The following RBFOX3 variants were observed in gnomAD, a reference collection of about 807,000 sequenced individuals.
RBFOX3 encodes the protein RNA binding protein fox-1 homolog 3.
In RBFOX3, 17 loss-of-function variants were observed where a neutral mutation model predicts 48.7. The observed-to-expected ratio is 0.35, with a 90% CI of 0.24 to 0.52. The LOEUF (loss-of-function observed/expected upper bound fraction) is 0.52. RBFOX3 is among the 20% of genes least tolerant of loss of function. The probability of loss-of-function intolerance (pLI) is 0.94; values close to 1 mark genes in which losing one functional copy is unlikely to be tolerated. For missense variants in RBFOX3, 382 were observed against 497.5 expected, an observed-to-expected ratio of 0.77 and a Z score of 2.21; for synonymous variants, 212 against 209.5, an observed-to-expected ratio of 1.01 and a Z score of -0.10.
At chr17:79,541,980 T>C (rs1450089941) in intron 1 of RBFOX3, among the ~76,000 whole-genome samples, 1 of 151,620 alleles carries the variant, frequency 6.6e-6, no homozygotes, top group African/African-American at 2.4e-5. Context: ...CTCGAGTGTT[T>C]CTTTTTACAG....
At chr17:79,629,984 A>G in the RBFOX3 span, among the ~76,000 whole-genome samples, 5 of 152,128 alleles carry the variant, frequency 3.3e-5, no homozygotes, top group Non-Finnish European at 5.9e-5. Flanking sequence ...ACGACGGGCT[A>G]TTTTGTATTT....
At chr17:79,118,991 A>G (rs376762438) in intron 4 of RBFOX3, among the ~76,000 whole-genome samples, 1 of 147,076 alleles carries the variant, frequency 6.8e-6, no homozygotes. Flanking sequence ...AAAAAAAAAA[A>G]AATAAAGAAA....
intron 2 of RBFOX3, among the ~76,000 whole-genome samples, chr17:79,417,434 G>A (rs1033677950): frequency 1.3e-5 from 2 of 152,228 alleles, no homozygotes; most frequent in Non-Finnish European, 2.9e-5. Context: ...GTCCCTGGAT[G>A]TTGAAAAGTA....
intron 1 of RBFOX3, among the ~76,000 whole-genome samples, chr17:79,495,223 A>G (rs2149652587): frequency 6.9e-6 from 1 of 145,286 alleles, no homozygotes; most frequent in Admixed American, 6.9e-5. Context: ...GCTTTTCTCC[A>G]GCTTGGAAGT....
At chr17:79,296,796 C>T (rs1237530708) in intron 3 of RBFOX3, among the ~76,000 whole-genome samples, 19 of 132,194 alleles carry the variant, frequency 1.4e-4, no homozygotes, top group Non-Finnish European at 2.5e-4. Context: ...CCTCTCCCTC[C>T]TCTTTTCCTC....
At chr17:79,404,623 C>T (rs2063312748) in intron 2 of RBFOX3, among the ~76,000 whole-genome samples, 1 of 151,932 alleles carries the variant, frequency 6.6e-6, no homozygotes, top group Non-Finnish European at 1.5e-5. Flanking sequence ...CCTGTCCCTC[C>T]CCTCCCATTA....
At chr17:79,148,198 T>C (rs2043467817) in intron 4 of RBFOX3, among the ~76,000 whole-genome samples, 1 of 152,242 alleles carries the variant, frequency 6.6e-6, no homozygotes, top group African/African-American at 2.4e-5. Flanking sequence ...CTGTGTTCTG[T>C]GCCTGGAGTC....
At chr17:79,429,219 C>T (rs1555727202) in intron 2 of RBFOX3, among the ~76,000 whole-genome samples, 1 of 152,236 alleles carries the variant, frequency 6.6e-6, no homozygotes, top group Admixed American at 6.5e-5. Context: ...TGGGCGAGAC[C>T]TTGGAAAGGC....
At chr17:79,529,870 G>A (rs1351533613) in intron 1 of RBFOX3, among the ~76,000 whole-genome samples, 1 of 152,214 alleles carries the variant, frequency 6.6e-6, no homozygotes, top group Admixed American at 6.5e-5. Context: ...ACCTGTGCTT[G>A]TGAACAACAT....
At chr17:79,110,507 G>C (rs1224238412) in intron 5 of RBFOX3, among the ~76,000 whole-genome samples, 1 of 152,234 alleles carries the variant, frequency 6.6e-6, no homozygotes, top group Non-Finnish European at 1.5e-5. Context: ...CTGTGCTGCT[G>C]TGGCACCACA....
chr17:79,411,578 G>A (rs2064346730), intron 2 of RBFOX3, among the ~76,000 whole-genome samples: 1 of 152,090 alleles, frequency 6.6e-6, no homozygotes, highest in Admixed American at 6.5e-5. Context: ...CTCCCTCTGT[G>A]CTGTAAGCCC....
chr17:79,424,464 C>G (rs34528121), intron 2 of RBFOX3, among the ~76,000 whole-genome samples: 4 of 152,064 alleles, frequency 2.6e-5, no homozygotes, highest in Non-Finnish European at 4.4e-5. Context: ...ACTGAGCTCT[C>G]GACTCTCAGC....
intron 4 of RBFOX3, among the ~76,000 whole-genome samples, chr17:79,129,370 G>GAGTTCATTCTAAC (rs1555701297): frequency 4.1e-5 from 6 of 146,176 alleles, no homozygotes; most frequent in East Asian, 1.9e-4. Flanking sequence ...GGAACCACCT[G>GAGTTCATTCTAAC]CTGCTACCTG....
chr17:79,649,182 A>T, the RBFOX3 span, among the ~76,000 whole-genome samples: 1 of 151,882 alleles, frequency 6.6e-6, no homozygotes. Flanking sequence ...GGTCTTGATG[A>T]TTGCCCAGGC....
At chr17:79,156,440 G>C (rs546141671) in intron 4 of RBFOX3, among the ~76,000 whole-genome samples, 2 of 152,090 alleles carry the variant, frequency 1.3e-5, no homozygotes, top group African/African-American at 4.8e-5. Flanking sequence ...CACACACTGC[G>C]GGGGCAGGGG....
chr17:79,122,951 C>A (rs1159498071), intron 4 of RBFOX3, among the ~76,000 whole-genome samples: 2 of 151,876 alleles, frequency 1.3e-5, no homozygotes, highest in Non-Finnish European at 2.9e-5. Flanking sequence ...ATAAGCCAGG[C>A]ACAGAAAGAC....
At chr17:79,126,911 G>A (rs750864719) in intron 4 of RBFOX3, among the ~76,000 whole-genome samples, 10 of 152,130 alleles carry the variant, frequency 6.6e-5, no homozygotes, top group South Asian at 2.1e-4. Context: ...ACCCGGCACC[G>A]GGCTTTGCAG....
chr17:79,173,988 C>CT (rs2049957781), intron 4 of RBFOX3, among the ~76,000 whole-genome samples: 1 of 152,066 alleles, frequency 6.6e-6, no homozygotes, highest in Non-Finnish European at 1.5e-5. Context: ...CTTCTGTTTC[C>CT]TTTTGCTTCC....
intron 1 of RBFOX3, among the ~76,000 whole-genome samples, chr17:79,575,069 G>A (rs1317988136): frequency 6.6e-6 from 1 of 152,186 alleles, no homozygotes; most frequent in African/African-American, 2.4e-5. Flanking sequence ...GCTGCCCTGG[G>A]GTCTACCCCC....
Sources: gnomAD v4.1 joint callset for allele counts (sites outside exome capture counted in the v4.1 genomes callset) on GRCh38, gnomAD v4.1.1 for gene constraint, MANE v1.5 for transcripts, NCBI Gene and HGNC (gene_info 2026-07-23, HGNC 2026-07-21) for gene names.